The following GAP43 variants were observed in gnomAD, a reference collection of about 807,000 sequenced individuals.
GAP43 encodes growth associated protein 43, also known as neuromodulin.
In GAP43, 6 loss-of-function variants were observed where a neutral mutation model predicts 18.6. That is an observed-to-expected ratio of 0.32 (90% CI 0.18 to 0.64). The LOEUF is 0.64. GAP43 is among the 30% of genes least tolerant of loss of function. The pLI is 0.78. For synonymous variants in GAP43, 115 were observed against 111.4 expected, an observed-to-expected ratio of 1.03 and a Z score of -0.20; for missense variants, 292 against 295.5, an observed-to-expected ratio of 0.99 and a Z score of 0.09.
chr3:115,687,758 A>T (rs1481158290), intron 2 of GAP43, among the ~76,000 whole-genome samples: 1 of 152,162 alleles, frequency 6.6e-6, no homozygotes, highest in Non-Finnish European at 1.5e-5. Flanking sequence ...TTCACATTTT[A>T]ACTAATAATA....
intron 2 of GAP43, among the ~76,000 whole-genome samples, chr3:115,695,782 C>T (rs1709180625): frequency 1.3e-5 from 2 of 152,178 alleles, no homozygotes; most frequent in Admixed American, 6.5e-5. Flanking sequence ...AACTCACAAA[C>T]GACCTCCACA....
At chr3:115,643,599 C>A (rs764947658) in intron 1 of GAP43, among the ~76,000 whole-genome samples, 7 of 152,036 alleles carry the variant, frequency 4.6e-5, no homozygotes, top group African/African-American at 1.7e-4. Flanking sequence ...AACATATTCA[C>A]GAGTAGCTTC....
At chr3:115,711,373 C>A (rs1232839295) in intron 2 of GAP43, among the ~76,000 whole-genome samples, 23 of 152,044 alleles carry the variant, frequency 1.5e-4, no homozygotes, top group Admixed American at 1.5e-3. Context: ...TGACCACTTG[C>A]AATCAATTTA....
chr3:115,640,397 C>A (rs533145848), intron 1 of GAP43, among the ~76,000 whole-genome samples: 3 of 152,032 alleles, frequency 2.0e-5, no homozygotes, highest in African/African-American at 4.8e-5. Flanking sequence ...ACCCGCCAGT[C>A]ATGGGTAAAA....
intron 1 of GAP43, 43 bp from the exon 2 acceptor site, chr3:115,675,970 A>G: frequency 3.9e-6 from 6 of 1,547,496 alleles, no homozygotes; most frequent in Admixed American, 2.1e-5. Context: ...AAGGAGAAGA[A>G]TGTCATTGAA....
chr3:115,689,279 C>A (rs1394487607), intron 2 of GAP43, among the ~76,000 whole-genome samples: 2 of 152,198 alleles, frequency 1.3e-5, no homozygotes, highest in Non-Finnish European at 2.9e-5. Context: ...TCTGTGTCGT[C>A]CTCAGTTTCT....
chr3:115,646,464 C>G (rs1037640875), intron 1 of GAP43, among the ~76,000 whole-genome samples: 1 of 152,016 alleles, frequency 6.6e-6, no homozygotes, highest in Non-Finnish European at 1.5e-5. Flanking sequence ...AAACTTTGCA[C>G]GGTTCATCTT....
intron 1 of GAP43, chr3:115,658,933 T>G (rs1335198662): frequency 6.6e-6 from 1 of 152,358 alleles, no homozygotes; most frequent in African/African-American, 2.4e-5. Flanking sequence ...AACCGCAGCC[T>G]GCTTCCGGGG....
chr3:115,679,106 T>C (rs1708927370), intron 2 of GAP43, among the ~76,000 whole-genome samples: 1 of 152,006 alleles, frequency 6.6e-6, no homozygotes, highest in African/African-American at 2.4e-5. Flanking sequence ...GCTGTACTGT[T>C]CGGAAATGGG....
intron 1 of GAP43, chr3:115,658,828 T>C (rs1032763925): frequency 6.6e-6 from 1 of 152,330 alleles, no homozygotes; most frequent in African/African-American, 2.4e-5. Context: ...GGGCCCCAGG[T>C]CTCTCCGCGG....
chr3:115,659,184 C>T (rs1708625931), intron 1 of GAP43, among the ~76,000 whole-genome samples: 1 of 151,992 alleles, frequency 6.6e-6, no homozygotes, highest in African/African-American at 2.4e-5. Flanking sequence ...AACTAAACAG[C>T]AATGCTCTGT....
At chr3:115,680,498 C>A (rs1027614898) in intron 2 of GAP43, among the ~76,000 whole-genome samples, 3 of 152,134 alleles carry the variant, frequency 2.0e-5, no homozygotes, top group East Asian at 3.9e-4. Context: ...AAGATGTACT[C>A]TTTTGACCTT....
At chr3:115,699,623 C>T (rs920382179) in intron 2 of GAP43, among the ~76,000 whole-genome samples, 14 of 152,102 alleles carry the variant, frequency 9.2e-5, no homozygotes, top group African/African-American at 3.4e-4. Flanking sequence ...TTTTGACAGG[C>T]CATTAAAGGA....
At chr3:115,705,790 G>T (rs1320806780) in intron 2 of GAP43, among the ~76,000 whole-genome samples, 1 of 152,080 alleles carries the variant, frequency 6.6e-6, no homozygotes, top group Non-Finnish European at 1.5e-5. Context: ...CTTAAGTATG[G>T]ACCTAAATAA....
intron 1 of GAP43, among the ~76,000 whole-genome samples, chr3:115,657,053 A>G (rs1039862907): frequency 1.3e-5 from 2 of 152,220 alleles, no homozygotes; most frequent in African/African-American, 4.8e-5. Flanking sequence ...ATTATAGCAA[A>G]ACTCTTTTGT....
chr3:115,691,538 A>G (rs942294247), intron 2 of GAP43, among the ~76,000 whole-genome samples: 1 of 152,316 alleles, frequency 6.6e-6, no homozygotes, highest in South Asian at 2.1e-4. Context: ...TAAGTGCCTA[A>G]TAGAAAGTCA....
chr3:115,645,026 G>A (rs765466792), intron 1 of GAP43, among the ~76,000 whole-genome samples: 25 of 152,040 alleles, frequency 1.6e-4, no homozygotes, highest in Non-Finnish European at 3.1e-4. Flanking sequence ...TAAAATGTAC[G>A]TATTGTTGGC....
intron 1 of GAP43, among the ~76,000 whole-genome samples, chr3:115,659,873 C>T (rs561449288): frequency 6.6e-6 from 1 of 152,186 alleles, no homozygotes; most frequent in African/African-American, 2.4e-5. Context: ...CAGTGATTCG[C>T]GTATCTTATT....
intron 2 of GAP43, among the ~76,000 whole-genome samples, chr3:115,700,852 A>G (rs1426407860): frequency 2.0e-5 from 3 of 152,188 alleles, no homozygotes; most frequent in African/African-American, 7.2e-5. Flanking sequence ...AGGATGCCTC[A>G]GGGCACAGAT....
Sources: gnomAD v4.1 joint callset for allele counts (sites outside exome capture counted in the v4.1 genomes callset) on GRCh38, gnomAD v4.1.1 for gene constraint, MANE v1.5 for transcripts, NCBI Gene and HGNC (gene_info 2026-07-23, HGNC 2026-07-21) for gene names.